Variants in SLC66A2 observed in about 807,000 individuals in gnomAD.
SLC66A2 encodes PQ loop repeat containing 1.
SLC66A2 carries 23 observed loss-of-function variants against 25.5 expected under a neutral mutation model. The observed-to-expected ratio is 0.90, with a 90% CI of 0.65 to 1.28. SLC66A2 has a LOEUF of 1.28. SLC66A2 is among the 50% of genes most tolerant of loss of function. The pLI is 0.00. For missense variants in SLC66A2, 396 were observed against 373.1 expected (o/e 1.06, Z -0.51); for synonymous variants, 193 against 166.5 (o/e 1.16, Z -1.23).
chr18:79,932,985 C>T (rs78364020), intron 4 of SLC66A2, among the ~76,000 whole-genome samples: 1 of 152,170 alleles, frequency 6.6e-6, no homozygotes, highest in African/African-American at 2.4e-5. Flanking sequence ...TAAATCTAGA[C>T]AAAGTCATCA....
intron 2 of SLC66A2, chr18:79,947,332 G>T (rs1005238858): frequency 2.6e-5 from 4 of 152,224 alleles, no homozygotes; most frequent in African/African-American, 9.7e-5. Context: ...TTGCAAAATG[G>T]TAGTAAGGAC....
At chr18:79,925,113 T>A (rs571566479) in intron 4 of SLC66A2, 3 of 152,246 alleles carry the variant, frequency 2.0e-5, no homozygotes, top group Non-Finnish European at 4.4e-5. Context: ...CAGGAGATTT[T>A]CATTAATAGT....
intron 5 of SLC66A2, chr18:79,915,988 A>ATCCACGGTGCTCTCATAGCCGCAGTGCTC (rs1983955568): frequency 5.7e-6 from 1 of 174,172 alleles, no homozygotes; most frequent in African/African-American, 2.5e-5. Context: ...GTGCTTCTGT[A>ATCCACGGTGCTCTCATAGCCGCAGTGCTC]CCCGCGGTGC....
At chr18:79,911,344 C>T (rs1470489111) in intron 5 of SLC66A2, among the ~76,000 whole-genome samples, 2 of 152,248 alleles carry the variant, frequency 1.3e-5, no homozygotes, top group African/African-American at 4.8e-5. Flanking sequence ...TGGCCCACGC[C>T]CCGTGAGGAT....
intron 4 of SLC66A2, chr18:79,924,837 C>T (rs1379781396): frequency 6.6e-6 from 1 of 152,158 alleles, no homozygotes; most frequent in South Asian, 2.1e-4. Flanking sequence ...CATTTGTATC[C>T]AGAACAATTT....
chr18:79,904,026 G>A lies in SLC66A2; in HGVS notation c.766C>T (p.Gln256Ter). The change falls in exon 6 of 6, where the codon CAG (glutamine) becomes TAG (stop). Residue 256 changes from glutamine (Q) to a stop codon, truncating the protein, a stop_gained. Coordinates refer to ENST00000397778, the MANE Select transcript of SLC66A2 (RefSeq NM_025078.5). LOFTEE classifies it high-confidence loss of function. This position sits in a 1 kb window ranked among gnomAD's most constrained non-coding sequence, Gnocchi z 6.3. ...GQAYAFARHP[Q>*]KPAPHAVHPT... ...TGCACGGCGTGGGGCGCCGGCTTCT[G>A]GGGGTGGCGGGCGAAGGCGTAGGCC... 6.2e-7 allele frequency: 1 copy of A among 1,605,756 alleles called. No individual in the cohort carries two copies. The highest frequency in any genetic ancestry group is 8.5e-7 in the Non-Finnish European group (1 of 1,176,994).
Position 79,904,295 on chromosome 18 carries a change from A to C in SLC66A2, c.609-112T>G. 1.1e-6 allele frequency: 1 copy of C among 919,854 alleles called. No individual in the cohort carries two copies. The highest frequency in any genetic ancestry group is 1.7e-6 in the Non-Finnish European group (1 of 586,462). The allele number at this position is 919,854 out of a possible 1,614,324, so 57.0% of individuals were successfully genotyped here. A position where few individuals can be genotyped will look rare whatever the true frequency, so the allele number is the denominator to read the frequency against. On this transcript the variant is annotated intron_variant, in intron 5 of 5. Transcript: ENST00000397778. This position sits in a 1 kb window ranked among gnomAD's most constrained non-coding sequence, Gnocchi z 6.3. ...GGAGACCTGGGGCTCAGGGGCACCCAGGGGGCTAAGGGGACCCCCAGGCAG... is the reference window on the plus strand; with the variant it reads ...GGAGACCTGGGGCTCAGGGGCACCCCGGGGGCTAAGGGGACCCCCAGGCAG...
rs374534406 is a variant in SLC66A2, at chr18:79,918,627, C to G, written c.608+557G>C. Among the ~76,000 whole-genome samples the G allele has an allele frequency of 6.6e-6, 1 of 152,226 alleles. No individual in the cohort carries two copies. Among genetic ancestry groups the G allele is most frequent in the South Asian group, 2.1e-4 (1 of 4,834 alleles). On this transcript the variant is annotated intron_variant, in intron 5 of 5. Coordinates refer to ENST00000397778, the MANE Select transcript of SLC66A2 (RefSeq NM_025078.5). This position sits in a 1 kb window ranked among gnomAD's most constrained non-coding sequence, Gnocchi z 4.0. ...CTGAGCCCGTGGGCATCATGCTGCT[C>G]GCGTTGTGCCCTACCTCTGGCGGTC...
intron 3 of SLC66A2, 25 bp from the exon 4 acceptor site, chr18:79,934,047 A>G: frequency 6.2e-7 from 1 of 1,602,914 alleles, no homozygotes; most frequent in Non-Finnish European, 8.5e-7. Context: ...GGGAGACAGA[A>G]ACAGAAAGGG....
rs563009957 is a variant in SLC66A2 at position 79,904,780 on chromosome 18, C to T, written c.609-597G>A. Among the ~76,000 whole-genome samples the T allele has an allele frequency of 5.3e-4, 80 of 152,336 alleles. No homozygotes were observed. The highest frequency in any genetic ancestry group is 1.3e-3 in the Admixed American group (20 of 15,310). ...GCCACCCACCATCCCAGTCCGAACA[C>T]GCTTCCCCCACCGCTGTGTTCATGC... On this transcript the variant is annotated intron_variant, in intron 5 of 5. Transcript: ENST00000397778. The surrounding 1 kb of genome is among the most constrained non-coding windows in gnomAD (Gnocchi z 6.3).
chr18:79,948,592 C>T (rs574255884), intron 2 of SLC66A2, among the ~76,000 whole-genome samples: 11 of 152,172 alleles, frequency 7.2e-5, no homozygotes, highest in Non-Finnish European at 1.3e-4. Flanking sequence ...CCTCCCACCC[C>T]GGCCTCCAAA....
chr18:79,903,817 C>T lies in SLC66A2; in HGVS notation c.*159G>A. On this transcript the variant is annotated 3_prime_UTR_variant, in exon 6 of 6. Coordinates refer to ENST00000397778, the MANE Select transcript of SLC66A2 (RefSeq NM_025078.5). ...CAGCGTCCCAGCCCCACCCCCACTG[C>T]CCACCCTGAGACACCCCACAGAGGC... 1.7e-6 allele frequency: 1 copy of T among 604,012 alleles called. No individual in the cohort carries two copies. The allele number at this position is 604,012 out of a possible 1,614,324, so 37.4% of individuals were successfully genotyped here. A position where few individuals can be genotyped will look rare whatever the true frequency, so the allele number is the denominator to read the frequency against.
chr18:79,918,855 G>A lies in SLC66A2; in HGVS notation c.608+329C>T, dbSNP rs1984613840. Among the ~76,000 whole-genome samples the A allele has an allele frequency of 6.6e-6, 1 of 152,196 alleles. No individual in the cohort carries two copies. The highest frequency in any genetic ancestry group is 1.5e-5 in the Non-Finnish European group (1 of 68,036). On this transcript the variant is annotated intron_variant, in intron 5 of 5. Coordinates refer to ENST00000397778, the MANE Select transcript of SLC66A2 (RefSeq NM_025078.5). The surrounding 1 kb of genome is among the most constrained non-coding windows in gnomAD (Gnocchi z 4.0). Reference sequence around the variant, plus strand: ...CAGACCCGCCCTGACCCTGGGCCAGGCTGGTTGCCCTGCACTCCTCCTGCC... The same window carrying A: ...CAGACCCGCCCTGACCCTGGGCCAGACTGGTTGCCCTGCACTCCTCCTGCC...
At chr18:79,948,171 C>T (rs1176099329) in intron 2 of SLC66A2, among the ~76,000 whole-genome samples, 1 of 152,190 alleles carries the variant, frequency 6.6e-6, no homozygotes, top group African/African-American at 2.4e-5. Flanking sequence ...GGAAGGCTGC[C>T]CTGTGCTCCA....
intron 4 of SLC66A2, among the ~76,000 whole-genome samples, chr18:79,919,932 A>G (rs1486524993): frequency 1.0e-3 from 3 of 2,916 alleles, no homozygotes; most frequent in African/African-American, 1.2e-3. Flanking sequence ...GGGGAGAGAC[A>G]GGAACCGAGG....
chr18:79,902,586 G>GTGT lies in SLC66A2; in HGVS notation c.*1389_*1390insACA, dbSNP rs1981362991. On this transcript the variant is annotated 3_prime_UTR_variant, in exon 6 of 6. Transcript: ENST00000397778. Reference sequence around the variant, plus strand: ...TTCAAAGCATCTCACAGGCCAAAGAGCTAAGCAGGACCCTCACTCAGACAT... The same window carrying GTGT: ...TTCAAAGCATCTCACAGGCCAAAGAGTGTCTAAGCAGGACCCTCACTCAGACAT... The GTGT allele has an allele frequency of 1.3e-5, 2 of 152,382 alleles. No homozygotes were observed. The highest frequency in any genetic ancestry group is 2.4e-5 in the African/African-American group (1 of 41,476). 9.4% of individuals were successfully genotyped at this position (152,382 alleles called of 1,614,324 possible). A position where few individuals can be genotyped will look rare whatever the true frequency, so the allele number is the denominator to read the frequency against.
At position 79,936,798 on chromosome 18, in the gene SLC66A2, C is replaced by T. The variant is rs866000497; in HGVS notation, c.338-2776G>A. Among the ~76,000 whole-genome samples, 7 of 152,330 alleles carry T rather than the reference C, an allele frequency of 4.6e-5. 1 individual carries two copies. In the Middle Eastern group the frequency reaches 0.01, roughly 222 times the overall value. On this transcript the variant is annotated intron_variant, in intron 3 of 5. Transcript: ENST00000397778. ...CTGGTGACGTATCATGCAGCAGCGA[C>T]CTGACCTCCGTTCCCAGCGGGAAGT... is the stretch of plus-strand genomic sequence containing the variant.
intron 5 of SLC66A2, among the ~76,000 whole-genome samples, chr18:79,908,660 G>C (rs1464579199): frequency 2.6e-5 from 4 of 152,018 alleles, no homozygotes; most frequent in Non-Finnish European, 5.9e-5. Flanking sequence ...AGACCCTTTG[G>C]AATTTGTCCC....
chr18:79,922,466 A>G (rs1985363284), intron 4 of SLC66A2, among the ~76,000 whole-genome samples: 1 of 152,038 alleles, frequency 6.6e-6, no homozygotes, highest in Non-Finnish European at 1.5e-5. Flanking sequence ...CTCCTAGGAC[A>G]TTCTGGGGAT....
Sources: allele counts gnomAD v4.1 joint callset (sites outside exome capture counted in the v4.1 genomes callset), GRCh38; gene constraint gnomAD v4.1.1; non-coding constraint Gnocchi (gnomAD v3.1); transcripts MANE v1.5; gene names NCBI Gene and HGNC (gene_info 2026-07-23, HGNC 2026-07-21).